The following CD46 variants were observed in gnomAD, a reference collection of about 807,000 sequenced individuals.
The protein encoded by CD46 is CD46 molecule.
In CD46, 30 loss-of-function variants were observed where a neutral mutation model predicts 53.3. That is an observed-to-expected ratio of 0.56 (90% CI 0.42 to 0.76). CD46 has a LOEUF of 0.76. CD46 is among the 30% of genes least tolerant of loss of function. The probability of loss-of-function intolerance (pLI) is 0.00; values close to 1 mark genes in which losing one functional copy is unlikely to be tolerated. For missense variants in CD46, 409 were observed against 463.0 expected (o/e 0.88, Z 1.07); for synonymous variants, 142 against 152.0 (o/e 0.93, Z 0.48).
rs569413513 is a variant in CD46, at chr1:207,779,318, A to T, written c.944-3974A>T. Reference sequence around the variant, plus strand: ...TTGCTTTGCCTAGGACCATCAACATACTTTTATGTGTAATTATACATGTAG... The same window carrying T: ...TTGCTTTGCCTAGGACCATCAACATTCTTTTATGTGTAATTATACATGTAG... On this transcript the variant is annotated intron_variant, in intron 8 of 12. Transcript: ENST00000367042. 2.6e-5 allele frequency among the ~76,000 whole-genome samples: 4 copies of T among 152,042 alleles called. No individual in the cohort carries two copies. In the East Asian group the frequency reaches 7.7e-4, roughly 29 times the overall value.
chr1:207,768,112 G>GTAT, intron 7 of CD46: 1 of 349,788 alleles, frequency 2.9e-6, no homozygotes, highest in East Asian at 6.9e-5. Context: ...TCCTTATTGG[G>GTAT]TATTAGTAAG....
intron 7 of CD46, 93 bp downstream of exon 7, chr1:207,767,916 T>G (rs1046090318): frequency 4.9e-6 from 5 of 1,012,960 alleles, no homozygotes; most frequent in Non-Finnish European, 7.8e-6. Context: ...GATGTTCACT[T>G]ATTTTTAGTA....
In CD46 at chr1:207,778,246, T is replaced by C. The variant is rs376517414; in HGVS notation, c.944-5046T>C. Among the ~76,000 whole-genome samples the C allele has an allele frequency of 7.2e-5, 11 of 152,358 alleles. 1 individual carries two copies. The South Asian group carries it at 2.3e-3, about 32-fold the overall frequency. On this transcript the variant is annotated intron_variant, in intron 8 of 12. Coordinates refer to ENST00000367042, the MANE Select transcript of CD46 (RefSeq NM_172351.3). ...CCCATTCTGTAAGTTGTCTGTTTAC[T>C]CTGTTGATAGCTTCTTTTGCTGTGC...
intron 8 of CD46, among the ~76,000 whole-genome samples, chr1:207,777,641 G>A (rs1380892009): frequency 6.7e-6 from 1 of 149,854 alleles, no homozygotes; most frequent in African/African-American, 2.4e-5. Context: ...TGGCTACGTA[G>A]TATTCCACGG....
At chr1:207,784,536 AG>A (rs1659089894) in intron 9 of CD46, among the ~76,000 whole-genome samples, 1 of 152,252 alleles carries the variant, frequency 6.6e-6, no homozygotes, top group Non-Finnish European at 1.5e-5. Flanking sequence ...ACTGGTTAGA[AG>A]GGTTCTATGA....
intron 1 of CD46, among the ~76,000 whole-genome samples, chr1:207,755,771 G>A (rs1471795999): frequency 1.3e-5 from 2 of 152,220 alleles, no homozygotes; most frequent in Non-Finnish European, 1.5e-5. Context: ...TGGGAGATAG[G>A]CAGCACAAGA....
At chr1:207,774,082 A>G (rs1657818773) in intron 8 of CD46, among the ~76,000 whole-genome samples, 1 of 152,096 alleles carries the variant, frequency 6.6e-6, no homozygotes, top group Non-Finnish European at 1.5e-5. Flanking sequence ...TTGGGTGCAT[A>G]TATATTTAGG....
At chr1:207,787,435 A>G (rs1243435208) in intron 11 of CD46, among the ~76,000 whole-genome samples, 1 of 152,190 alleles carries the variant, frequency 6.6e-6, no homozygotes, top group Non-Finnish European at 1.5e-5. Flanking sequence ...AAGGTTCAAT[A>G]GCAGTAGTGA....
At chr1:207,754,041 C>T (rs893387735) in intron 1 of CD46, among the ~76,000 whole-genome samples, 6 of 152,034 alleles carry the variant, frequency 3.9e-5, no homozygotes, top group Non-Finnish European at 7.4e-5. Flanking sequence ...TGCTCAGTGC[C>T]GGGAACACAG....
At chr1:207,791,461 A>AG (rs1558085453) in intron 12 of CD46, among the ~76,000 whole-genome samples, 1 of 152,246 alleles carries the variant, frequency 6.6e-6, no homozygotes, top group Non-Finnish European at 1.5e-5. Flanking sequence ...AGTCAATCTG[A>AG]TAACCAAGAC....
Position 207,759,673 on chromosome 1 carries a change from G to C in CD46, c.424G>C (p.Glu142Gln), listed in dbSNP as rs371106885. 132 of 1,600,996 alleles carry C rather than the reference G, an allele frequency of 8.2e-5. No individual in the cohort carries two copies. Among genetic ancestry groups the C allele is most frequent in the Non-Finnish European group, 1.1e-4 (126 of 1,168,560 alleles). Reference sequence around the variant, plus strand: ...AATTGGTGAAGAAATTCTATATTGTGAACTTAAAGGATCAGTAGCAATTTG... The same window carrying C: ...AATTGGTGAAGAAATTCTATATTGTCAACTTAAAGGATCAGTAGCAATTTG... The part of the protein sequence containing the change: ...YLIGEEILYC[E>Q]LKGSVAIWSG... Residue 142 changes from glutamate to glutamine, a missense_variant, in exon 4 of 13, where the codon GAA becomes CAA. Coordinates refer to ENST00000367042, the MANE Select transcript of CD46 (RefSeq NM_172351.3).
chr1:207,784,047 C>A (rs184561310), intron 9 of CD46, among the ~76,000 whole-genome samples: 8 of 152,214 alleles, frequency 5.3e-5, no homozygotes, highest in Admixed American at 5.2e-4. Context: ...TCTAGATAGT[C>A]AAAAATGTAT....
At chr1:207,780,790 C>A (rs185710851) in intron 8 of CD46, among the ~76,000 whole-genome samples, 1 of 152,180 alleles carries the variant, frequency 6.6e-6, no homozygotes, top group Non-Finnish European at 1.5e-5. Flanking sequence ...CAGAATACCA[C>A]AGACTGAGTA....
chr1:207,761,894 G>A (rs971453418), intron 5 of CD46, among the ~76,000 whole-genome samples: 3 of 152,050 alleles, frequency 2.0e-5, no homozygotes, highest in Non-Finnish European at 4.4e-5. Flanking sequence ...AAGGCACTCT[G>A]GAGTGACCAA....
rs1251673427 is a variant in CD46 at position 207,752,178 on chromosome 1, C to A, written c.-35C>A. 1 of 1,598,444 alleles carries A rather than the reference C, an allele frequency of 6.3e-7. No individual in the cohort carries two copies. Among genetic ancestry groups the A allele is most frequent in the South Asian group, 1.1e-5 (1 of 90,818 alleles). Reference sequence around the variant, plus strand: ...GGCTGGCTCTCGGTTTCTCTGCTTTCCTCCGGAGAAATAACAGCGTCTTCC... The same window carrying A: ...GGCTGGCTCTCGGTTTCTCTGCTTTACTCCGGAGAAATAACAGCGTCTTCC... On this transcript the variant is annotated 5_prime_UTR_variant, in exon 1 of 13. Transcript: ENST00000367042. This position sits in a 1 kb window ranked among gnomAD's most constrained non-coding sequence, Gnocchi z 4.1.
At chr1:207,759,618 A>G (rs1655961700) in intron 3 of CD46, 21 bp from the exon 4 acceptor site, 1 of 1,296,286 alleles carries the variant, frequency 7.7e-7, no homozygotes, top group African/African-American at 1.5e-5. Context: ...CAAAACAGTA[A>G]CCCTTTCTTT....
intron 3 of CD46, among the ~76,000 whole-genome samples, chr1:207,757,969 C>G (rs1432405636): frequency 2.6e-5 from 4 of 152,134 alleles, no homozygotes; most frequent in Non-Finnish European, 5.9e-5. Flanking sequence ...AAGTAGGGCT[C>G]ACAAAAATGA....
At chr1:207,754,953 TAAAAAAA>T (rs5780402) in intron 1 of CD46, among the ~76,000 whole-genome samples, 1 of 133,112 alleles carries the variant, frequency 7.5e-6, no homozygotes, top group African/African-American at 2.7e-5. Flanking sequence ...ACAAAACATG[TAAAAAAA>T]AAAAAAAAAA....
intron 8 of CD46, among the ~76,000 whole-genome samples, chr1:207,775,360 TC>T (rs1203214719): frequency 6.6e-6 from 1 of 152,204 alleles, no homozygotes; most frequent in East Asian, 1.9e-4. Context: ...TTACTGACCT[TC>T]TGAAACCTAC....
Sources: allele counts gnomAD v4.1 joint callset (sites outside exome capture counted in the v4.1 genomes callset), GRCh38; gene constraint gnomAD v4.1.1; non-coding constraint Gnocchi (gnomAD v3.1); transcripts MANE v1.5; gene names NCBI Gene and HGNC (gene_info 2026-07-23, HGNC 2026-07-21).